Variants in BCL2L13 observed in about 807,000 individuals in gnomAD.
The protein encoded by BCL2L13 is bcl-2-like protein 13.
Under a neutral mutation model 25.8 loss-of-function variants are expected in BCL2L13, and 13 were observed. That is an observed-to-expected ratio of 0.50 (90% CI 0.33 to 0.80). The LOEUF is 0.80. Ranked by LOEUF, BCL2L13 falls within the 30% of genes least tolerant of loss-of-function variation. BCL2L13 has a pLI of 0.02. For synonymous variants in BCL2L13, 244 were observed against 230.3 expected (o/e 1.06, Z -0.54); for missense variants, 504 against 574.9 (o/e 0.88, Z 1.26).
chr22:17,686,061 C>T (rs2059928480), intron 3 of BCL2L13, among the ~76,000 whole-genome samples: 3 of 151,744 alleles, frequency 2.0e-5, no homozygotes, highest in East Asian at 3.9e-4. Context: ...CGTGAGCCAC[C>T]GTACCCAGCC....
chr22:17,629,188 A>G (rs1601407848), intron 1 of BCL2L13, among the ~76,000 whole-genome samples: 1 of 150,678 alleles, frequency 6.6e-6, no homozygotes, highest in East Asian at 2.0e-4. Flanking sequence ...ACATAGAGGA[A>G]CCCCGTCTCT....
intron 2 of BCL2L13, among the ~76,000 whole-genome samples, chr22:17,663,859 T>C (rs2059151951): frequency 6.6e-6 from 1 of 150,830 alleles, no homozygotes; most frequent in Non-Finnish European, 1.5e-5. Context: ...GCTAATTTTT[T>C]TTTTTTTGAG....
chr22:17,638,827 G>A lies in BCL2L13; in HGVS notation c.-110G>A. Reference sequence around the variant, plus strand: ...GCACTCACCGCCGCTGGGGGACCCTGTCGGAAGCAACTGCCGCCGCCGCCT... The same window carrying A: ...GCACTCACCGCCGCTGGGGGACCCTATCGGAAGCAACTGCCGCCGCCGCCT... On this transcript the variant is annotated 5_prime_UTR_variant, in exon 1 of 7. Transcript: ENST00000317582. 1 of 1,232,120 alleles carries A rather than the reference G, an allele frequency of 8.1e-7. No homozygotes were observed. The highest frequency in any genetic ancestry group is 1.0e-6 in the Non-Finnish European group (1 of 988,328). The allele number at this position is 1,232,120 out of a possible 1,614,324, so 76.3% of individuals were successfully genotyped here.
chr22:17,667,009 G>A (rs1169328666), intron 2 of BCL2L13, among the ~76,000 whole-genome samples: 1 of 152,050 alleles, frequency 6.6e-6, no homozygotes, highest in African/African-American at 2.4e-5. Context: ...TTGTCTATAT[G>A]TACCACATTT....
intron 1 of BCL2L13, among the ~76,000 whole-genome samples, chr22:17,631,684 ATATATATATATATATATATATATTT>A (rs2058024362): frequency 3.0e-5 from 1 of 32,830 alleles, no homozygotes; most frequent in Non-Finnish European, 6.0e-5. Context: ...ATATATATAT[ATATATATATATATATATATATATTT>A]TTTTTTTTTT....
At chr22:17,700,487 T>C (rs984280718) in intron 5 of BCL2L13, among the ~76,000 whole-genome samples, 18 of 152,370 alleles carry the variant, frequency 1.2e-4, no homozygotes, top group African/African-American at 4.3e-4. Context: ...TGAATAACTT[T>C]AAAATGTTAC....
At chr22:17,639,216 A>G (rs889779588) in intron 1 of BCL2L13, among the ~76,000 whole-genome samples, 2 of 152,034 alleles carry the variant, frequency 1.3e-5, no homozygotes, top group East Asian at 1.9e-4. Flanking sequence ...ACCCGGGTCC[A>G]TTTTTAGGGC....
intron 2 of BCL2L13, among the ~76,000 whole-genome samples, chr22:17,674,378 G>A (rs933812343): frequency 1.3e-5 from 2 of 151,996 alleles, no homozygotes; most frequent in African/African-American, 2.4e-5. Flanking sequence ...AGGCTGAGGC[G>A]GGCGGATCAC....
At chr22:17,710,702 C>A (rs1157728087) in intron 6 of BCL2L13, among the ~76,000 whole-genome samples, 1 of 151,788 alleles carries the variant, frequency 6.6e-6, no homozygotes, top group Non-Finnish European at 1.5e-5. Context: ...CGGTGAAACC[C>A]CGTCTCTACT....
chr22:17,729,904 C>T lies in BCL2L13; in HGVS notation c.*2370C>T, dbSNP rs1003360184. 1.3e-5 allele frequency: 2 copies of T among 152,218 alleles called. No individual in the cohort carries two copies. The highest frequency in any genetic ancestry group is 4.8e-5 in the African/African-American group (2 of 41,450). 9.4% of individuals were successfully genotyped at this position (152,218 alleles called of 1,614,324 possible). A position where few individuals can be genotyped will look rare whatever the true frequency, so the allele number is the denominator to read the frequency against. ...CCTCCAGCAGTGGAAGGGAACAGCC[C>T]TCATGAGGACTGCTTCCTACTGCAG... is the stretch of plus-strand genomic sequence containing the variant. On this transcript the variant is annotated 3_prime_UTR_variant, in exon 7 of 7. Coordinates refer to ENST00000317582, the MANE Select transcript of BCL2L13 (RefSeq NM_015367.4).
At chr22:17,688,765 G>GTT (rs2060016990) in intron 3 of BCL2L13, among the ~76,000 whole-genome samples, 1 of 141,022 alleles carries the variant, frequency 7.1e-6, no homozygotes, top group African/African-American at 2.5e-5. Flanking sequence ...TTTTGATATT[G>GTT]TTGTTTTTTT....
upstream of BCL2L13, among the ~76,000 whole-genome samples, chr22:17,637,471 C>T (rs12484246): frequency 4.7e-5 from 7 of 150,486 alleles, no homozygotes; most frequent in African/African-American, 1.7e-4. Flanking sequence ...GCCTCCCAGG[C>T]TCAAGCGATT....
At chr22:17,683,697 A>C in intron 3 of BCL2L13, among the ~76,000 whole-genome samples, 1 of 152,028 alleles carries the variant, frequency 6.6e-6, no homozygotes, top group Middle Eastern at 3.4e-3. Context: ...ATACATATAT[A>C]CTATAGATAA....
At chr22:17,639,708 T>G (rs887364007) in intron 1 of BCL2L13, among the ~76,000 whole-genome samples, 1 of 152,214 alleles carries the variant, frequency 6.6e-6, no homozygotes, top group East Asian at 1.9e-4. Context: ...CTTTTATTTT[T>G]TTGTTGTTGT....
chr22:17,712,024 G>GT (rs759236287), intron 6 of BCL2L13, among the ~76,000 whole-genome samples: 2,310 of 143,850 alleles, frequency 0.016, 54 homozygotes, highest in African/African-American at 0.05. Flanking sequence ...TTTTTTGAAG[G>GT]TTTTTTTTTT....
At chr22:17,689,381 C>T (rs1158178675) in intron 4 of BCL2L13, among the ~76,000 whole-genome samples, 1 of 152,146 alleles carries the variant, frequency 6.6e-6, no homozygotes, top group Non-Finnish European at 1.5e-5. Context: ...ATATGTTGAG[C>T]TGTCAGGTTT....
chr22:17,639,911 A>G (rs922650492), intron 1 of BCL2L13, among the ~76,000 whole-genome samples: 2 of 151,128 alleles, frequency 1.3e-5, no homozygotes, highest in Middle Eastern at 3.2e-3. Context: ...CTGGAGTGCA[A>G]TGGCGCGATC....
At chr22:17,655,425 CTT>C (rs370375070) in intron 1 of BCL2L13, among the ~76,000 whole-genome samples, 3 of 135,938 alleles carry the variant, frequency 2.2e-5, no homozygotes, top group African/African-American at 2.7e-5. Context: ...ATGTGCAGTA[CTT>C]TTTTTTTTTT....
chr22:17,724,544 G>A (rs781205156), intron 6 of BCL2L13, among the ~76,000 whole-genome samples: 1 of 152,204 alleles, frequency 6.6e-6, no homozygotes, highest in African/African-American at 2.4e-5. Context: ...AAGTGGTGCA[G>A]TATGATGCCG....
Sources: allele counts gnomAD v4.1 joint callset (sites outside exome capture counted in the v4.1 genomes callset), GRCh38; gene constraint gnomAD v4.1.1; transcripts MANE v1.5; gene names NCBI Gene and HGNC (gene_info 2026-07-23, HGNC 2026-07-21).